The following RANBP2 variants were observed in gnomAD, a reference collection of about 807,000 sequenced individuals.
RANBP2 encodes RAN binding protein 2.
In RANBP2, 57 loss-of-function variants were observed where a neutral mutation model predicts 303.6. The ratio of observed to expected loss-of-function variants is 0.19; its 90% CI spans 0.15 to 0.23. RANBP2 has a LOEUF of 0.23. Ranked by LOEUF, RANBP2 falls within the 10% of genes least tolerant of loss-of-function variation. The probability of loss-of-function intolerance (pLI) is 1.00; values close to 1 mark genes in which losing one functional copy is unlikely to be tolerated. For missense variants in RANBP2, 3,138 were observed against 3,780.8 expected (o/e 0.83, Z 4.46); for synonymous variants, 1,167 against 1,301.5 (o/e 0.90, Z 2.23).
chr2:109,659,159 G>A, the RANBP2 span, among the ~76,000 whole-genome samples: 4 of 151,828 alleles, frequency 2.6e-5, no homozygotes, highest in East Asian at 3.9e-4. Flanking sequence ...GTTGAATTAC[G>A]TGAGGTCAGG....
the RANBP2 span, among the ~76,000 whole-genome samples, chr2:109,362,584 A>T: frequency 6.6e-6 from 1 of 152,094 alleles, no homozygotes; most frequent in Non-Finnish European, 1.5e-5. Flanking sequence ...TATCCAGTAG[A>T]TTGATGGTGC....
the RANBP2 span, among the ~76,000 whole-genome samples, chr2:108,962,518 A>T: frequency 6.6e-6 from 1 of 151,530 alleles, no homozygotes; most frequent in East Asian, 2.0e-4. Context: ...CTAAAAATAC[A>T]AAAAAAATTA....
At chr2:109,330,026 G>C in the RANBP2 span, among the ~76,000 whole-genome samples, 2 of 152,140 alleles carry the variant, frequency 1.3e-5, no homozygotes, top group Admixed American at 1.3e-4. Flanking sequence ...AACATCCCTG[G>C]CCCTTACAAA....
At chr2:108,738,022 G>A (rs1186478581) in intron 6 of RANBP2, among the ~76,000 whole-genome samples, 1 of 146,852 alleles carries the variant, frequency 6.8e-6, no homozygotes, top group Non-Finnish European at 1.5e-5. Flanking sequence ...CCCACACCTG[G>A]CTAATTTTTG....
chr2:108,926,955 G>A, the RANBP2 span, among the ~76,000 whole-genome samples: 1 of 152,222 alleles, frequency 6.6e-6, no homozygotes, highest in African/African-American at 2.4e-5. Context: ...AGGAAGTGGG[G>A]CCTCCAGGGT....
chr2:109,396,082 G>C, the RANBP2 span, among the ~76,000 whole-genome samples: 2 of 152,188 alleles, frequency 1.3e-5, no homozygotes, highest in Non-Finnish European at 2.9e-5. Context: ...TGAGTGAGAC[G>C]AATGGAGGAC....
chr2:108,776,986 A>G, intron 24 of RANBP2, 144 bp from the exon 25 acceptor site: 1 of 654,524 alleles, frequency 1.5e-6, no homozygotes, highest in East Asian at 2.8e-5. Flanking sequence ...TCAGAATTGG[A>G]TGTATTTTGT....
chr2:109,020,133 T>C, the RANBP2 span, among the ~76,000 whole-genome samples: 1 of 152,210 alleles, frequency 6.6e-6, no homozygotes, highest in African/African-American at 2.4e-5. Flanking sequence ...AATACTGGAA[T>C]GAGTGTTCTA....
At chr2:109,681,562 A>T in the RANBP2 span, among the ~76,000 whole-genome samples, 1 of 152,228 alleles carries the variant, frequency 6.6e-6, no homozygotes, top group African/African-American at 2.4e-5. Context: ...TTTTACCTTT[A>T]ATGATTTTTA....
chr2:109,282,726 T>G, the RANBP2 span, among the ~76,000 whole-genome samples: 51 of 152,336 alleles, frequency 3.3e-4, no homozygotes, highest in Non-Finnish European at 6.8e-4. Flanking sequence ...TTTATGGCTT[T>G]GTTTCATAGT....
the RANBP2 span, among the ~76,000 whole-genome samples, chr2:108,997,002 T>C: frequency 6.6e-6 from 1 of 152,166 alleles, no homozygotes; most frequent in Non-Finnish European, 1.5e-5. Flanking sequence ...GGCTGACTGC[T>C]GTAAGGGTGG....
the RANBP2 span, among the ~76,000 whole-genome samples, chr2:108,892,397 C>CTTGT: frequency 6.6e-6 from 1 of 152,176 alleles, no homozygotes; most frequent in Non-Finnish European, 1.5e-5. Flanking sequence ...CAACCCTTTC[C>CTTGT]TTGTTTGTTT....
chr2:109,030,156 CGA>C, the RANBP2 span, among the ~76,000 whole-genome samples: 2 of 152,288 alleles, frequency 1.3e-5, no homozygotes, highest in African/African-American at 4.8e-5. Flanking sequence ...AACCTGGATT[CGA>C]GAGCTCATGA....
chr2:109,362,667 G>A, the RANBP2 span, among the ~76,000 whole-genome samples: 1 of 152,104 alleles, frequency 6.6e-6, no homozygotes, highest in African/African-American at 2.4e-5. Context: ...TTCTGATTCA[G>A]GGGTGTTAAA....
chr2:108,817,923 A>G, the RANBP2 span, among the ~76,000 whole-genome samples: 1 of 152,198 alleles, frequency 6.6e-6, no homozygotes, highest in East Asian at 1.9e-4. Flanking sequence ...TACATCAATT[A>G]TTTCCCTAAA....
chr2:109,412,794 C>G, the RANBP2 span, among the ~76,000 whole-genome samples: 3 of 152,256 alleles, frequency 2.0e-5, no homozygotes, highest in Non-Finnish European at 4.4e-5. Flanking sequence ...CAAAAGGCAA[C>G]TCCCCAAAGG....
the RANBP2 span, among the ~76,000 whole-genome samples, chr2:109,475,348 C>T: frequency 2.0e-5 from 3 of 152,258 alleles, no homozygotes; most frequent in Admixed American, 2.0e-4. Flanking sequence ...ATTTCTCCAC[C>T]TCCTCATGCT....
chr2:109,361,431 A>G, the RANBP2 span, among the ~76,000 whole-genome samples: 1 of 152,160 alleles, frequency 6.6e-6, no homozygotes, highest in Non-Finnish European at 1.5e-5. Context: ...TAGTGAACCT[A>G]TCTGGTCCTG....
At chr2:109,418,128 G>GA in the RANBP2 span, among the ~76,000 whole-genome samples, 1 of 152,194 alleles carries the variant, frequency 6.6e-6, no homozygotes, top group Non-Finnish European at 1.5e-5. Context: ...ACCTGCCTTT[G>GA]GCCGAGGTAC....
Sources: allele counts gnomAD v4.1 joint callset (sites outside exome capture counted in the v4.1 genomes callset), GRCh38; gene constraint gnomAD v4.1.1; transcripts MANE v1.5; gene names NCBI Gene and HGNC (gene_info 2026-07-23, HGNC 2026-07-21).